Variants in CRTC1 observed in about 807,000 individuals in gnomAD.
CRTC1 encodes CREB regulated transcription coactivator 1.
A neutral mutation model predicts 66.1 loss-of-function variants in CRTC1; 18 were observed. The ratio of observed to expected loss-of-function variants is 0.27; its 90% CI spans 0.19 to 0.40. The LOEUF (loss-of-function observed/expected upper bound fraction) is 0.40. CRTC1 is among the 10% of genes least tolerant of loss of function. CRTC1 has a pLI of 1.00. For synonymous variants in CRTC1, 416 were observed against 398.8 expected (o/e 1.04, Z -0.51); for missense variants, 669 against 887.9 (o/e 0.75, Z 3.13).
intron 1 of CRTC1, among the ~76,000 whole-genome samples, chr19:18,698,601 C>T (rs1407710726): frequency 6.7e-6 from 1 of 149,986 alleles, no homozygotes; most frequent in African/African-American, 2.5e-5. Flanking sequence ...ACTCACCGGG[C>T]GCTCAGCAGG....
At chr19:18,695,763 G>T (rs2052970559) in intron 1 of CRTC1, among the ~76,000 whole-genome samples, 1 of 152,174 alleles carries the variant, frequency 6.6e-6, no homozygotes, top group African/African-American at 2.4e-5. Context: ...TACTCGGGAG[G>T]GTGAGGCAGG....
chr19:18,711,622 C>T (rs1288929469), intron 1 of CRTC1, among the ~76,000 whole-genome samples: 2 of 152,224 alleles, frequency 1.3e-5, no homozygotes, highest in African/African-American at 2.4e-5. Context: ...CAGGCTCTGA[C>T]GTGGGCCTGA....
chr19:18,704,999 C>T (rs1037753749), intron 1 of CRTC1, among the ~76,000 whole-genome samples: 4 of 147,278 alleles, frequency 2.7e-5, no homozygotes, highest in African/African-American at 7.4e-5. Flanking sequence ...ATGAGTTTGA[C>T]GACTCCAGGG....
chr19:18,691,025 CAAAAAAAA>C (rs751088340), intron 1 of CRTC1, among the ~76,000 whole-genome samples: 1 of 58,132 alleles, frequency 1.7e-5, no homozygotes, highest in South Asian at 5.1e-4. Context: ...GACTCCGTCT[CAAAAAAAA>C]AAAAAAAAAA....
chr19:18,708,322 A>G (rs2053310849), intron 1 of CRTC1, among the ~76,000 whole-genome samples: 1 of 152,118 alleles, frequency 6.6e-6, no homozygotes, highest in Admixed American at 6.6e-5. Context: ...GCTAGAGAAA[A>G]GGTGGTGGGG....
At chr19:18,693,485 GT>G (rs907083923) in intron 1 of CRTC1, among the ~76,000 whole-genome samples, 44 of 128,584 alleles carry the variant, frequency 3.4e-4, no homozygotes, top group Middle Eastern at 3.8e-3. Context: ...TTTTGTTTTT[GT>G]TTTTTTTTTT....
At chr19:18,686,743 G>A (rs556098774) in intron 1 of CRTC1, among the ~76,000 whole-genome samples, 11 of 151,992 alleles carry the variant, frequency 7.2e-5, no homozygotes, top group African/African-American at 2.7e-4. Flanking sequence ...TGGGGTCAGG[G>A]GAGCATGGGC....
At chr19:18,724,291 T>G (rs978425782) in intron 1 of CRTC1, among the ~76,000 whole-genome samples, 13 of 151,988 alleles carry the variant, frequency 8.6e-5, no homozygotes, top group African/African-American at 3.1e-4. Flanking sequence ...CAATTTCATT[T>G]TCATCTTAGA....
intron 1 of CRTC1, among the ~76,000 whole-genome samples, chr19:18,733,828 G>A (rs376187157): frequency 2.6e-4 from 39 of 152,312 alleles, no homozygotes; most frequent in African/African-American, 6.0e-4. Context: ...AGAAAACAGA[G>A]GGGCTGGCTG....
chr19:18,690,113 G>A (rs958537253), intron 1 of CRTC1, among the ~76,000 whole-genome samples: 1 of 151,714 alleles, frequency 6.6e-6, no homozygotes, highest in South Asian at 2.1e-4. Flanking sequence ...GGGGAGTGTC[G>A]TCTGCTTGCC....
In CRTC1 at chr19:18,746,725, TCAGACTCCA is replaced by T. The variant is rs2054246709; in HGVS notation, c.382-324_382-316del. Among the ~76,000 whole-genome samples the T allele has an allele frequency of 5.9e-5, 9 of 152,170 alleles. No individual in the cohort carries two copies. In the South Asian group the frequency reaches 1.9e-3, roughly 32 times the overall value. ...GAGTCCAGACCAGGGTCAGCTGAAC[TCAGACTCCA>T]CAGCGTCCCCACAGGCCCTACTTTC... On this transcript the variant is annotated intron_variant, in intron 3 of 13. Coordinates refer to ENST00000321949, the MANE Select transcript of CRTC1 (RefSeq NM_015321.3).
Position 18,698,741 on chromosome 19 carries a change from G to A in CRTC1, c.126+14913G>A, listed in dbSNP as rs189981306. ...TGTACTTAGCAGGCACTTAGCAGGCGCACAGTGTGTATTCCACAGGTGCAC... is the reference window on the plus strand; with the variant it reads ...TGTACTTAGCAGGCACTTAGCAGGCACACAGTGTGTATTCCACAGGTGCAC... On this transcript the variant is annotated intron_variant, in intron 1 of 13. Coordinates refer to ENST00000321949, the MANE Select transcript of CRTC1 (RefSeq NM_015321.3). Among the ~76,000 whole-genome samples, 385 of 151,900 alleles carry A rather than the reference G, an allele frequency of 2.5e-3. 1 individual carries two copies. The highest frequency in any genetic ancestry group is 8.8e-3 in the African/African-American group (365 of 41,442).
Position 18,739,762 on chromosome 19 carries a change from C to T in CRTC1, c.127-3148C>T, listed in dbSNP as rs147997204. On this transcript the variant is annotated intron_variant, in intron 1 of 13. Coordinates refer to ENST00000321949, the MANE Select transcript of CRTC1 (RefSeq NM_015321.3). ...TCTGTGGGGGCAGAGCCCAAGCTGG[C>T]GTCCCACCACCCTGAGACCCCAGAG... 2.5e-3 allele frequency among the ~76,000 whole-genome samples: 377 copies of T among 152,314 alleles called. 1 individual carries two copies. Among genetic ancestry groups the T allele is most frequent in the African/African-American group, 8.7e-3 (363 of 41,564 alleles).
intron 5 of CRTC1, among the ~76,000 whole-genome samples, chr19:18,753,275 CTAAATAAATAAATAAATAAA>C (rs59575360): frequency 6.9e-6 from 1 of 145,976 alleles, no homozygotes; most frequent in African/African-American, 2.6e-5. Flanking sequence ...GACTCCGTCT[CTAAATAAATAAATAAATAAA>C]TAAATAAATA....
chr19:18,754,983 A>G (rs2054452014), intron 6 of CRTC1, among the ~76,000 whole-genome samples: 1 of 150,992 alleles, frequency 6.6e-6, no homozygotes, highest in Non-Finnish European at 1.5e-5. Context: ...TATTTTAATT[A>G]TTTTTATTTT....
At chr19:18,743,136 C>T in intron 2 of CRTC1, 110 bp downstream of exon 2, 2 of 840,466 alleles carry the variant, frequency 2.4e-6, no homozygotes, top group South Asian at 1.5e-5. Context: ...TGGCGGAGCC[C>T]ACCCAACCAC....
rs750236296 is a variant in CRTC1, at chr19:18,778,876, C to G, written c.*1494C>G. 1 of 231,074 alleles carries G rather than the reference C, an allele frequency of 4.3e-6. No individual in the cohort carries two copies. Among genetic ancestry groups the G allele is most frequent in the African/African-American group, 2.2e-5 (1 of 45,174 alleles). 14.3% of individuals were successfully genotyped at this position (231,074 alleles called of 1,614,324 possible). A position where few individuals can be genotyped will look rare whatever the true frequency, so the allele number is the denominator to read the frequency against. On this transcript the variant is annotated 3_prime_UTR_variant, in exon 14 of 14. Coordinates refer to ENST00000321949, the MANE Select transcript of CRTC1 (RefSeq NM_015321.3). ...AGCCCACACCCCCTCTCTTGGGCAG[C>G]GTGGTCTGCTGGCTGCCCCTTCTTG...
intron 2 of CRTC1, among the ~76,000 whole-genome samples, chr19:18,744,344 A>G (rs1028003480): frequency 6.6e-6 from 1 of 152,106 alleles, no homozygotes; most frequent in Non-Finnish European, 1.5e-5. Context: ...GGAAGTGCGT[A>G]TGGTCGCGTC....
chr19:18,707,702 T>A (rs2053296595), intron 1 of CRTC1, among the ~76,000 whole-genome samples: 1 of 152,200 alleles, frequency 6.6e-6, no homozygotes, highest in Non-Finnish European at 1.5e-5. Context: ...ACCTCTGAAA[T>A]ATTAAGTTGT....
Sources: gnomAD v4.1 joint callset for allele counts (sites outside exome capture counted in the v4.1 genomes callset) on GRCh38, gnomAD v4.1.1 for gene constraint, MANE v1.5 for transcripts, NCBI Gene and HGNC (gene_info 2026-07-23, HGNC 2026-07-21) for gene names.